Variants in FRY observed in about 807,000 individuals in gnomAD.
FRY encodes FRY microtubule binding protein, also known as protein furry homolog.
Under a neutral mutation model 348.4 loss-of-function variants are expected in FRY, and 128 were observed. The observed-to-expected ratio is 0.37, with a 90% CI of 0.32 to 0.43. FRY has a LOEUF of 0.43. Among genes scored for constraint, FRY ranks in the 20% least tolerant of loss-of-function variants. FRY has a pLI of 1.00. For missense variants in FRY, 2,736 were observed against 3,695.2 expected (o/e 0.74, Z 6.73); for synonymous variants, 1,370 against 1,374.7 (o/e 1.00, Z 0.08).
rs371927364 is a variant in FRY, at chr13:32,265,634, T to G, written c.7946+18T>G. Reference sequence around the variant, plus strand: ...CTGGCGAGGTAATGGAGCCCTTGGCTGATGTGAGTGGTGTGAATGTGCATG... The same window carrying G: ...CTGGCGAGGTAATGGAGCCCTTGGCGGATGTGAGTGGTGTGAATGTGCATG... On this transcript the variant is annotated intron_variant, in intron 54 of 60. Transcript: ENST00000542859. 27 of 1,611,382 alleles carry G rather than the reference T, an allele frequency of 1.7e-5. No homozygotes were observed. The African/African-American group carries it at 2.0e-4, about 12-fold the overall frequency.
At chr13:32,085,080 A>C (rs1875771051) in intron 2 of FRY, among the ~76,000 whole-genome samples, 1 of 152,192 alleles carries the variant, frequency 6.6e-6, no homozygotes, top group African/African-American at 2.4e-5. Context: ...TAAACTAATA[A>C]TAATAGATTA....
chr13:32,192,366 G>C (rs962277750), intron 28 of FRY, among the ~76,000 whole-genome samples: 3 of 151,942 alleles, frequency 2.0e-5, no homozygotes, highest in Admixed American at 6.6e-5. Context: ...TGGCTGGAGT[G>C]CAGTGGCGCG....
At chr13:32,155,705 T>C in intron 15 of FRY, 43 bp downstream of exon 15, 6 of 1,394,008 alleles carry the variant, frequency 4.3e-6, no homozygotes, top group Non-Finnish European at 5.0e-6. Flanking sequence ...TATTAAGCCC[T>C]TAAAATGACC....
chr13:32,096,808 A>AC (rs1445773156), intron 2 of FRY, among the ~76,000 whole-genome samples: 2 of 150,858 alleles, frequency 1.3e-5, no homozygotes, highest in African/African-American at 4.9e-5. Context: ...GTCTCAAAAA[A>AC]AAAAAAAAAA....
At chr13:32,107,518 A>G (rs1395313762) in intron 3 of FRY, among the ~76,000 whole-genome samples, 2 of 152,166 alleles carry the variant, frequency 1.3e-5, no homozygotes, top group African/African-American at 4.8e-5. Flanking sequence ...CACTTTTCAC[A>G]AACTTCAGGA....
chr13:32,038,942 G>A (rs1872649472), intron 1 of FRY, among the ~76,000 whole-genome samples: 1 of 152,142 alleles, frequency 6.6e-6, no homozygotes, highest in Non-Finnish European at 1.5e-5. Flanking sequence ...CTTCATCCAG[G>A]CTCTCAGAGC....
At chr13:32,126,227 A>G (rs1879009507) in intron 7 of FRY, among the ~76,000 whole-genome samples, 1 of 151,936 alleles carries the variant, frequency 6.6e-6, no homozygotes, top group South Asian at 2.1e-4. Flanking sequence ...AACCCTGAAA[A>G]TCTCAACATA....
chr13:32,271,922 C>A (rs1171507628), intron 55 of FRY, among the ~76,000 whole-genome samples: 1 of 152,030 alleles, frequency 6.6e-6, no homozygotes, highest in East Asian at 1.9e-4. Flanking sequence ...AGGCATGGGC[C>A]CTGGGGGGAC....
At chr13:32,096,180 C>T (rs1188220591) in intron 2 of FRY, among the ~76,000 whole-genome samples, 2 of 152,124 alleles carry the variant, frequency 1.3e-5, no homozygotes, top group Admixed American at 6.5e-5. Context: ...CAAGTCTCAT[C>T]TCACTGATAA....
intron 16 of FRY, among the ~76,000 whole-genome samples, chr13:32,158,843 G>A (rs1036292652): frequency 9.2e-5 from 14 of 151,406 alleles, no homozygotes; most frequent in South Asian, 4.2e-4. Flanking sequence ...GCTTGAACCC[G>A]GGAGGCAGAG....
intron 32 of FRY, 51 bp from the exon 33 acceptor site, chr13:32,209,534 C>A: frequency 6.3e-7 from 1 of 1,584,870 alleles, no homozygotes; most frequent in Non-Finnish European, 8.7e-7. Flanking sequence ...AAACCTTTTG[C>A]GTCCTTACAG....
At chr13:32,197,885 C>A (rs1283503128) in intron 29 of FRY, among the ~76,000 whole-genome samples, 7 of 152,144 alleles carry the variant, frequency 4.6e-5, no homozygotes. Context: ...TCTCAACTAC[C>A]TCCCATATTT....
chr13:32,261,468 G>C, intron 51 of FRY, 148 bp from the exon 52 acceptor site: 1 of 795,792 alleles, frequency 1.3e-6, no homozygotes, highest in South Asian at 1.3e-5. Context: ...TTCACATTGG[G>C]TAAACAAAAG....
chr13:32,144,393 GA>G (rs1444030405), intron 11 of FRY, among the ~76,000 whole-genome samples: 2 of 149,202 alleles, frequency 1.3e-5, no homozygotes, highest in African/African-American at 5.0e-5. Context: ...GGCCATACTA[GA>G]TATTAACACA....
At chr13:32,202,334 T>G (rs752734149) in intron 30 of FRY, 22 bp from the exon 31 acceptor site, 8 of 1,600,086 alleles carry the variant, frequency 5.0e-6, no homozygotes, top group Non-Finnish European at 6.9e-6. Context: ...TACTACTTTT[T>G]TACTTTCCTA....
chr13:32,245,023 C>A (rs1299725667), intron 47 of FRY, among the ~76,000 whole-genome samples: 2 of 152,076 alleles, frequency 1.3e-5, no homozygotes, highest in Non-Finnish European at 2.9e-5. Context: ...AATCTCGGCT[C>A]ACTGCAACCT....
In FRY at chr13:32,183,083, T is replaced by C. The variant is rs759132596; in HGVS notation, c.3054+49T>C. ...TAAGGCTTGGTTTTTTGGACAATCA[T>C]CTGAATTTAAATCAAACCTAGTGAT... On this transcript the variant is annotated intron_variant, in intron 24 of 60. Coordinates refer to ENST00000542859, the MANE Select transcript of FRY (RefSeq NM_023037.3). The C allele has an allele frequency of 4.3e-6, 5 of 1,152,772 alleles. No homozygotes were observed. In the South Asian group the frequency reaches 6.3e-5, roughly 15 times the overall value. 71.4% of individuals were successfully genotyped at this position (1,152,772 alleles called of 1,614,324 possible). A position where few individuals can be genotyped will look rare whatever the true frequency, so the allele number is the denominator to read the frequency against.
intron 3 of FRY, among the ~76,000 whole-genome samples, chr13:32,116,975 C>G (rs1878340205): frequency 1.3e-5 from 2 of 152,066 alleles, no homozygotes; most frequent in South Asian, 4.1e-4. Context: ...TATATTTATA[C>G]AACAAACATT....
At chr13:32,271,489 G>C (rs1473973996) in intron 55 of FRY, among the ~76,000 whole-genome samples, 1 of 152,092 alleles carries the variant, frequency 6.6e-6, no homozygotes, top group Non-Finnish European at 1.5e-5. Context: ...TGTGGCCCTG[G>C]CCCCGCCACA....
Sources: gnomAD v4.1 joint callset for allele counts (sites outside exome capture counted in the v4.1 genomes callset) on GRCh38, gnomAD v4.1.1 for gene constraint, MANE v1.5 for transcripts, NCBI Gene and HGNC (gene_info 2026-07-23, HGNC 2026-07-21) for gene names.